CCT6A: variants seen among roughly 807,000 people sequenced by gnomAD.
CCT6A encodes T-complex protein 1 subunit zeta.
In CCT6A, 6 loss-of-function variants were observed where a neutral mutation model predicts 58.6. The observed-to-expected ratio is 0.10, with a 90% confidence interval of 0.06 to 0.20. CCT6A has a LOEUF of 0.20. CCT6A is among the 10% of genes least tolerant of loss of function. The probability of loss-of-function intolerance (pLI) is 1.00; values close to 1 mark genes in which losing one functional copy is unlikely to be tolerated. For synonymous variants in CCT6A, 245 were observed against 227.8 expected (o/e 1.08, Z -0.68); for missense variants, 516 against 648.8 (o/e 0.80, Z 2.22).
At chr7:56,059,776 C>T (rs1220675143) in intron 9 of CCT6A, 136 bp downstream of exon 9, 2 of 578,258 alleles carry the variant, frequency 3.5e-6, no homozygotes, top group African/African-American at 3.8e-5. Flanking sequence ...ACAGCCTCAT[C>T]TTCCTGGGTT....
chr7:56,051,871 AC>A lies in CCT6A; in HGVS notation c.27del (p.Lys10ArgfsTer25). On this transcript the variant is annotated frameshift_variant, in exon 1 of 14. Transcript: ENST00000275603. LOFTEE classifies it high-confidence loss of function. ...GCTATGGCGGCGGTGAAGACCCTGA[AC>A]CCCAAGGCCGAGGTGGCCCGAGCGC... The part of the protein sequence containing the change: MAAVKTL[N>X]PKAEVARAQA... The A allele has an allele frequency of 6.4e-7, 1 of 1,561,018 alleles. No homozygotes were observed. Among genetic ancestry groups the A allele is most frequent in the Non-Finnish European group, 8.7e-7 (1 of 1,153,374 alleles).
chr7:56,052,399 G>C (rs1334268690), intron 1 of CCT6A, 23 bp from the exon 2 acceptor site: 1 of 1,609,572 alleles, frequency 6.2e-7, no homozygotes, highest in Admixed American at 1.7e-5. Context: ...TCATAGTCTG[G>C]TTCATTTCTG....
At chr7:56,054,616 GC>G in intron 3 of CCT6A, 113 bp downstream of exon 3, 1 of 1,003,132 alleles carries the variant, frequency 1.0e-6, no homozygotes, top group Admixed American at 2.5e-5. Flanking sequence ...GAATTAGGGG[GC>G]TTAAATCTGG....
At chr7:56,062,049 T>C (rs2117350604) in intron 12 of CCT6A, 200 bp downstream of exon 12, 1 of 423,334 alleles carries the variant, frequency 2.4e-6, no homozygotes, top group Non-Finnish European at 4.2e-6. Context: ...ACATGAGTAA[T>C]TTGGGGATAC....
At chr7:56,059,484 C>A in intron 8 of CCT6A, 60 bp from the exon 9 acceptor site, 2 of 857,550 alleles carry the variant, frequency 2.3e-6, no homozygotes, top group South Asian at 1.4e-5. Context: ...AATTACTGGT[C>A]TTATCTTTGA....
In CCT6A at chr7:56,063,140, T is replaced by C; in HGVS notation, c.*55T>C. On this transcript the variant is annotated 3_prime_UTR_variant, in exon 14 of 14. Transcript: ENST00000275603. ...AAGACTGCAAAGTGATCCTGAGGAT[T>C]ACAGCTGTGGAATTTTTGTCCAAGC... The C allele has an allele frequency of 7.4e-6, 9 of 1,208,260 alleles. No homozygotes were observed. The highest frequency in any genetic ancestry group is 1.1e-5 in the Non-Finnish European group (9 of 813,614). The allele number at this position is 1,208,260 out of a possible 1,614,324, so 74.8% of individuals were successfully genotyped here.
chr7:56,061,778 A>G lies in CCT6A; in HGVS notation c.1379A>G (p.Gln460Arg). 1.3e-6 allele frequency: 2 copies of G among 1,598,814 alleles called. No homozygotes were observed. Among genetic ancestry groups the G allele is most frequent in the Non-Finnish European group, 8.5e-7 (1 of 1,174,066 alleles). ...GCTCAGAACTCTGGTTTTGACCTTCAGGAAACATTAGTTAAAATTCAAGCA... is the reference window on the plus strand; with the variant it reads ...GCTCAGAACTCTGGTTTTGACCTTCGGGAAACATTAGTTAAAATTCAAGCA... ...VLAQNSGFDL[Q>R]ETLVKIQAEH... Residue 460 changes from glutamine to arginine, a missense_variant, in exon 12 of 14, where the codon CAG becomes CGG. Physicochemically the swap from Gln to Arg is conservative, Grantham distance 43 (BLOSUM62 1). Around this residue, in one of 3 missense-constraint regions of CCT6A, gnomAD observed 315 missense variants for 389.4 expected, o/e 0.81. Coordinates refer to ENST00000275603, the MANE Select transcript of CCT6A (RefSeq NM_001762.4).
In CCT6A at chr7:56,060,235, C is replaced by T. The variant is rs536595674; in HGVS notation, c.1066-34C>T. 1.0e-5 allele frequency: 16 copies of T among 1,595,434 alleles called. 1 individual carries two copies. In the Admixed American group the frequency reaches 2.2e-4, roughly 22 times the overall value. On this transcript the variant is annotated intron_variant, in intron 9 of 13. Transcript: ENST00000275603. ...CTTCTCTCTTCACTCTGCACAAATC[C>T]TGTTTTTGAAAATCATATTTTTTCT...
Position 56,061,802 on chromosome 7 carries a change from C to G in CCT6A, c.1403C>G (p.Ala468Gly), listed in dbSNP as rs145615126. The G allele has an allele frequency of 9.0e-5, 144 of 1,595,264 alleles. No homozygotes were observed. Among genetic ancestry groups the G allele is most frequent in the Non-Finnish European group, 1.1e-4 (134 of 1,171,342 alleles). ...CAGGAAACATTAGTTAAAATTCAAG[C>G]AGAACATTCAGAATCAGGTCAGCTT... ...DLQETLVKIQ[A>G]EHSESGQLVG... Residue 468 changes from alanine to glycine, a missense_variant, in exon 12 of 14, where the codon GCA (alanine) becomes GGA (glycine). By Grantham distance (60) the Ala-to-Gly change is moderately conservative. Coordinates refer to ENST00000275603, the MANE Select transcript of CCT6A (RefSeq NM_001762.4).
At position 56,058,477 on chromosome 7, in the gene CCT6A, G is replaced by A. The variant is rs1362380169; in HGVS notation, c.841G>A (p.Val281Ile). The A allele has an allele frequency of 6.3e-7, 1 of 1,597,112 alleles. No individual in the cohort carries two copies. The highest frequency in any genetic ancestry group is 2.2e-5 in the East Asian group (1 of 44,788). ...VKKIIELKRK[V>I]CGDSDKGFVV... ...AAAAATAATAGAACTGAAAAGGAAAGTCTGTGGCGATTCAGATAAAGGATT... is the reference window on the plus strand; with the variant it reads ...AAAAATAATAGAACTGAAAAGGAAAATCTGTGGCGATTCAGATAAAGGATT... Residue 281 changes from valine to isoleucine, a missense_variant, in exon 7 of 14, where the codon GTC becomes ATC. Val to Ile is a conservative substitution (Grantham distance 29). Transcript: ENST00000275603.
chr7:56,053,075 C>T (rs563439801), intron 2 of CCT6A, among the ~76,000 whole-genome samples: 25 of 152,200 alleles, frequency 1.6e-4, no homozygotes, highest in Admixed American at 1.6e-3. Flanking sequence ...ATTACCAGGC[C>T]CGTGCCCAGC....
intron 1 of CCT6A, 31 bp downstream of exon 1, chr7:56,052,016 G>C (rs1794101862): frequency 4.2e-6 from 6 of 1,426,142 alleles, no homozygotes; most frequent in Non-Finnish European, 5.5e-6. Context: ...AGGGCCGGGC[G>C]GGCACCGCGC....
chr7:56,061,438 C>T (rs1236520016), intron 11 of CCT6A, among the ~76,000 whole-genome samples: 2 of 138,058 alleles, frequency 1.4e-5, no homozygotes, highest in Admixed American at 8.0e-5. Context: ...TGTAATGGTG[C>T]GATCTCAGCT....
intron 8 of CCT6A, 138 bp downstream of exon 8, chr7:56,058,840 C>G: frequency 1.8e-6 from 1 of 543,144 alleles, no homozygotes; most frequent in Non-Finnish European, 3.4e-6. Context: ...CCCGTCAGCA[C>G]TGTCCATCTC....
chr7:56,052,642 G>A (rs1206207243), intron 2 of CCT6A, among the ~76,000 whole-genome samples, 157 bp downstream of exon 2: 2 of 152,128 alleles, frequency 1.3e-5, no homozygotes, highest in Admixed American at 6.6e-5. Flanking sequence ...TGACAGCCCT[G>A]CCTTTGAATC....
Position 56,063,123 on chromosome 7 carries a change from A to C in CCT6A, c.*38A>C, listed in dbSNP as rs1276703389. 7.5e-7 allele frequency: 1 copy of C among 1,334,908 alleles called. No homozygotes were observed. 82.7% of individuals were successfully genotyped at this position (1,334,908 alleles called of 1,614,324 possible). On this transcript the variant is annotated 3_prime_UTR_variant, in exon 14 of 14. Coordinates refer to ENST00000275603, the MANE Select transcript of CCT6A (RefSeq NM_001762.4). Reference sequence around the variant, plus strand: ...TCTGTATCTGAATCTTGAAGACTGCAAAGTGATCCTGAGGATTACAGCTGT... The same window carrying C: ...TCTGTATCTGAATCTTGAAGACTGCCAAGTGATCCTGAGGATTACAGCTGT...
At chr7:56,056,122 T>G (rs1343948387) in intron 4 of CCT6A, among the ~76,000 whole-genome samples, 189 bp from the exon 5 acceptor site, 3 of 152,188 alleles carry the variant, frequency 2.0e-5, no homozygotes, top group Non-Finnish European at 4.4e-5. Context: ...GAATTATAGA[T>G]GGAGATTTCA....
chr7:56,059,840 G>A (rs1794395282), intron 9 of CCT6A, 200 bp downstream of exon 9: 1 of 502,734 alleles, frequency 2.0e-6, no homozygotes, highest in African/African-American at 2.0e-5. Flanking sequence ...AGACGTGTGT[G>A]CTACCATGAC....
chr7:56,061,024 G>T (rs754282162), intron 11 of CCT6A, 84 bp downstream of exon 11: 23 of 1,430,356 alleles, frequency 1.6e-5, no homozygotes, highest in Non-Finnish European at 2.1e-5. Context: ...TCATAAAGTG[G>T]ATTTTGGATA....
Sources: gnomAD v4.1 joint callset for allele counts (sites outside exome capture counted in the v4.1 genomes callset) on GRCh38, gnomAD v4.1.1 for gene constraint, gnomAD v4.1.1 regional missense constraint, MANE v1.5 for transcripts, NCBI Gene and HGNC (gene_info 2026-07-23, HGNC 2026-07-21) for gene names.